The following KHDC1 variants were observed in gnomAD, a reference collection of about 807,000 sequenced individuals.
KHDC1 encodes KH domain containing 1.
Under a neutral mutation model 24.7 loss-of-function variants are expected in KHDC1, and 21 were observed. That is an observed-to-expected ratio of 0.85 (90% confidence interval 0.60 to 1.23). The LOEUF (loss-of-function observed/expected upper bound fraction) is 1.23, where lower values mean the gene tolerates loss of function less well. KHDC1 is among the 50% of genes most tolerant of loss of function. The pLI is 0.00. For missense variants in KHDC1, 274 were observed against 298.5 expected (o/e 0.92, Z 0.61); for synonymous variants, 98 against 111.7 (o/e 0.88, Z 0.77).
At chr6:73,293,646 C>T (rs1767702595) in intron 1 of KHDC1, among the ~76,000 whole-genome samples, 1 of 151,762 alleles carries the variant, frequency 6.6e-6, no homozygotes, top group South Asian at 2.1e-4. Context: ...GTGGCACATG[C>T]CTGTAATTAC....
At chr6:73,266,869 T>G (rs1767084151) in intron 2 of KHDC1, among the ~76,000 whole-genome samples, 1 of 152,040 alleles carries the variant, frequency 6.6e-6, no homozygotes, top group African/African-American at 2.4e-5. Context: ...TGATAAGAGA[T>G]TAATATACAG....
chr6:73,286,121 A>G (rs768139600), intron 2 of KHDC1, among the ~76,000 whole-genome samples: 2 of 152,178 alleles, frequency 1.3e-5, no homozygotes, highest in Admixed American at 1.3e-4. Context: ...TGAGAACTCT[A>G]CACCCATTCC....
rs1767180774 is a variant in KHDC1 at position 73,271,522 on chromosome 6, A to G, written c.206+20476T>C. On this transcript the variant is annotated intron_variant, in intron 2 of 4. Transcript: ENST00000370384. ...GTGCCTGGTGTAAAATATATTTTTT[A>G]TTATGAGTCTAAGTCAAAAAAGCAT... Among the ~76,000 whole-genome samples, 4 of 151,694 alleles carry G rather than the reference A, an allele frequency of 2.6e-5. No individual in the cohort carries two copies. The South Asian group carries it at 8.3e-4, about 32-fold the overall frequency.
At chr6:73,309,894 C>G (rs1412325583) in exon 1 of KHDC1, 1 of 615,394 alleles carries the variant, frequency 1.6e-6, no homozygotes, top group Non-Finnish European at 2.7e-6. Context: ...AATGCACAGT[C>G]TAGGTGGATT....
intron 2 of KHDC1, among the ~76,000 whole-genome samples, chr6:73,261,330 C>T (rs1338768760): frequency 6.6e-6 from 1 of 151,956 alleles, no homozygotes; most frequent in Non-Finnish European, 1.5e-5. Flanking sequence ...GTAATCCCAG[C>T]TACTTGAGAG....
intron 2 of KHDC1, among the ~76,000 whole-genome samples, chr6:73,259,403 C>T (rs1468532836): frequency 6.7e-6 from 1 of 148,448 alleles, no homozygotes; most frequent in East Asian, 2.0e-4. Flanking sequence ...CTCAAGCCAT[C>T]CTCCTGCCCT....
At chr6:73,293,337 TTATA>T (rs1767694000) in intron 1 of KHDC1, 9 of 511,464 alleles carry the variant, frequency 1.8e-5, no homozygotes, top group Non-Finnish European at 2.9e-5. Flanking sequence ...AATAAAACTA[TTATA>T]TAAAGGGTGA....
chr6:73,292,092 TTC>T, intron 1 of KHDC1: 1 of 1,609,654 alleles, frequency 6.2e-7, no homozygotes, highest in African/African-American at 1.3e-5. Flanking sequence ...AAATTGGACC[TTC>T]TTAGTGATGC....
chr6:73,248,714 C>A (rs888936433), intron 2 of KHDC1, among the ~76,000 whole-genome samples: 1 of 152,100 alleles, frequency 6.6e-6, no homozygotes, highest in South Asian at 2.1e-4. Context: ...TTGATTCTTT[C>A]GAATGAACAA....
chr6:73,261,457 T>A (rs992654786), intron 2 of KHDC1, among the ~76,000 whole-genome samples: 4 of 150,256 alleles, frequency 2.7e-5, no homozygotes, highest in South Asian at 2.1e-4. Flanking sequence ...ATAAATAAAA[T>A]TTTTTTTAAA....
intron 2 of KHDC1, among the ~76,000 whole-genome samples, chr6:73,255,719 C>G (rs891740877): frequency 2.7e-5 from 4 of 150,212 alleles, no homozygotes; most frequent in Non-Finnish European, 5.9e-5. Flanking sequence ...CTGGCCAACA[C>G]AGTGAAATCC....
chr6:73,298,361 C>T (rs1204200959), intron 1 of KHDC1, among the ~76,000 whole-genome samples: 1 of 151,370 alleles, frequency 6.6e-6, no homozygotes, highest in Non-Finnish European at 1.5e-5. Flanking sequence ...GAGTTCTTCC[C>T]ATTACTAGGC....
chr6:73,279,437 T>A (rs1198038337), intron 2 of KHDC1, among the ~76,000 whole-genome samples: 2 of 152,050 alleles, frequency 1.3e-5, no homozygotes, highest in African/African-American at 4.8e-5. Flanking sequence ...GTCAACTATA[T>A]GGACATTTGA....
At position 73,292,035 on chromosome 6, in the gene KHDC1, TTCTC is replaced by T. The variant is rs1452522957; in HGVS notation, c.165_168del (p.Arg56ThrfsTer86). ...CATCTAGTCTTTCCGCTCCTTGAGT[TTCTC>T]TCTGTAAAGGAGATATATAAAGAAA... On this transcript the variant is annotated frameshift_variant and splice_region_variant, in exon 2 of 5. Transcript: ENST00000370384. LOFTEE classifies it high-confidence loss of function. The T allele has an allele frequency of 1.2e-6, 2 of 1,614,056 alleles. No individual in the cohort carries two copies. Among genetic ancestry groups the T allele is most frequent in the Non-Finnish European group, 8.5e-7 (1 of 1,180,020 alleles).
At chr6:73,247,230 G>A (rs2150552981) in intron 2 of KHDC1, among the ~76,000 whole-genome samples, 1 of 152,040 alleles carries the variant, frequency 6.6e-6, no homozygotes, top group Middle Eastern at 3.4e-3. Context: ...ACCCACCTCA[G>A]CCTCCCAAAG....
At chr6:73,281,653 A>G (rs1767413015) in intron 2 of KHDC1, among the ~76,000 whole-genome samples, 1 of 151,650 alleles carries the variant, frequency 6.6e-6, no homozygotes, top group African/African-American at 2.4e-5. Flanking sequence ...CTAGATTTAC[A>G]GAAGAGTTGT....
chr6:73,265,033 A>T (rs1767055160), intron 2 of KHDC1, among the ~76,000 whole-genome samples: 1 of 150,420 alleles, frequency 6.6e-6, no homozygotes. Flanking sequence ...GGAGTCATTC[A>T]GCCCTTACTT....
intron 2 of KHDC1, among the ~76,000 whole-genome samples, chr6:73,261,616 AC>A (rs1766982021): frequency 6.6e-6 from 1 of 150,492 alleles, no homozygotes; most frequent in African/African-American, 2.5e-5. Flanking sequence ...TAAAAAAAAT[AC>A]CAAAAAAAAA....
At chr6:73,292,597 A>T in intron 1 of KHDC1, 1 of 763,012 alleles carries the variant, frequency 1.3e-6, no homozygotes, top group Admixed American at 1.7e-5. Context: ...AGCAGAGAGC[A>T]TGGCTCGTTC....
Sources: gnomAD v4.1 joint callset for allele counts (sites outside exome capture counted in the v4.1 genomes callset) on GRCh38, gnomAD v4.1.1 for gene constraint, MANE v1.5 for transcripts, NCBI Gene and HGNC (gene_info 2026-07-23, HGNC 2026-07-21) for gene names.